WDR7: variants seen among roughly 807,000 people sequenced by gnomAD.
The protein encoded by WDR7 is WD repeat domain 7, also known as WD repeat-containing protein 7.
Under a neutral mutation model 169.4 loss-of-function variants are expected in WDR7, and 46 were observed. That is an observed-to-expected ratio of 0.27 (90% CI 0.21 to 0.35). The LOEUF is 0.35. Ranked by LOEUF, WDR7 falls within the 10% of genes least tolerant of loss-of-function variation. The probability of loss-of-function intolerance (pLI) is 1.00; values close to 1 mark genes in which losing one functional copy is unlikely to be tolerated. For synonymous variants in WDR7, 612 were observed against 666.8 expected (o/e 0.92, Z 1.27); for missense variants, 1,534 against 1,859.3 (o/e 0.83, Z 3.22).
intron 26 of WDR7, among the ~76,000 whole-genome samples, chr18:57,014,539 C>T (rs558251547): frequency 6.6e-6 from 1 of 151,778 alleles, no homozygotes; most frequent in African/African-American, 2.4e-5. Flanking sequence ...TGCCTATAAT[C>T]CCAGCTACTC....
At chr18:56,797,723 G>A (rs2145145608) in intron 19 of WDR7, among the ~76,000 whole-genome samples, 1 of 151,894 alleles carries the variant, frequency 6.6e-6, no homozygotes, top group African/African-American at 2.4e-5. Flanking sequence ...CCATCTTGTG[G>A]ATTTATCAGA....
chr18:56,823,861 T>C (rs1218963081), intron 20 of WDR7, among the ~76,000 whole-genome samples: 1 of 152,206 alleles, frequency 6.6e-6, no homozygotes, highest in Non-Finnish European at 1.5e-5. Context: ...CCTTGCATTT[T>C]TTCTTCTTCA....
chr18:57,018,284 A>G (rs1413820888), intron 26 of WDR7, among the ~76,000 whole-genome samples: 1 of 152,260 alleles, frequency 6.6e-6, no homozygotes, highest in African/African-American at 2.4e-5. Flanking sequence ...TTTTTCTTAG[A>G]AGAACTTTTA....
At chr18:56,729,296 C>A (rs550752630) in intron 13 of WDR7, among the ~76,000 whole-genome samples, 1 of 152,046 alleles carries the variant, frequency 6.6e-6, no homozygotes, top group Non-Finnish European at 1.5e-5. Flanking sequence ...AATCTTTTCC[C>A]ACAATATTTA....
chr18:56,667,334 C>G (rs952408238), intron 1 of WDR7, among the ~76,000 whole-genome samples: 20 of 152,088 alleles, frequency 1.3e-4, no homozygotes, highest in Admixed American at 5.2e-4. Flanking sequence ...CACTTAGCAC[C>G]CAGGCTTTTT....
chr18:56,973,354 G>A (rs1266852326), intron 26 of WDR7, among the ~76,000 whole-genome samples: 1 of 152,146 alleles, frequency 6.6e-6, no homozygotes, highest in Non-Finnish European at 1.5e-5. Context: ...GCATTTGATA[G>A]GCTAAAATTT....
intron 26 of WDR7, among the ~76,000 whole-genome samples, chr18:57,001,883 A>G (rs921706615): frequency 2.0e-5 from 3 of 152,184 alleles, no homozygotes; most frequent in African/African-American, 4.8e-5. Context: ...AAGAACTAAT[A>G]TTAAATTTCT....
chr18:56,954,773 T>C (rs2047229397), intron 25 of WDR7, among the ~76,000 whole-genome samples: 1 of 152,112 alleles, frequency 6.6e-6, no homozygotes, highest in Non-Finnish European at 1.5e-5. Context: ...TGGGGAAACG[T>C]TATAGCTATA....
At chr18:56,826,598 T>G (rs1162439947) in intron 20 of WDR7, among the ~76,000 whole-genome samples, 1 of 152,214 alleles carries the variant, frequency 6.6e-6, no homozygotes, top group Non-Finnish European at 1.5e-5. Flanking sequence ...TAAACCTGAA[T>G]GTATTTTCTC....
intron 2 of WDR7, among the ~76,000 whole-genome samples, chr18:56,675,424 A>G (rs1230208895): frequency 6.6e-6 from 1 of 151,798 alleles, no homozygotes; most frequent in African/African-American, 2.4e-5. Context: ...TAAGGTTTGT[A>G]TTACTTTTGT....
At chr18:56,876,670 A>G (rs533008638) in intron 20 of WDR7, among the ~76,000 whole-genome samples, 1 of 152,296 alleles carries the variant, frequency 6.6e-6, no homozygotes, top group African/African-American at 2.4e-5. Flanking sequence ...ATTGATAAAA[A>G]AGAAGAGGAA....
At chr18:56,661,247 C>A (rs2024898871) in intron 1 of WDR7, among the ~76,000 whole-genome samples, 1 of 151,902 alleles carries the variant, frequency 6.6e-6, no homozygotes, top group Non-Finnish European at 1.5e-5. Context: ...GAAGTTGGTT[C>A]AACCAAATGG....
chr18:57,015,990 C>T (rs926512804), intron 26 of WDR7, among the ~76,000 whole-genome samples: 1 of 152,194 alleles, frequency 6.6e-6, no homozygotes, highest in Non-Finnish European at 1.5e-5. Context: ...TGAAAACAAG[C>T]TTGTCCTGTT....
the WDR7 span, chr18:57,035,921 A>G: frequency 2.0e-5 from 3 of 152,268 alleles, no homozygotes; most frequent in Admixed American, 1.3e-4. Context: ...TCCAGTAAGA[A>G]GTCAAAATCC....
intron 25 of WDR7, among the ~76,000 whole-genome samples, chr18:56,950,658 G>GA (rs1234549395): frequency 6.6e-6 from 1 of 152,148 alleles, no homozygotes; most frequent in Non-Finnish European, 1.5e-5. Flanking sequence ...AGTACCTGGA[G>GA]AGAAGGTAGG....
At chr18:56,957,829 T>C (rs1002903246) in intron 25 of WDR7, among the ~76,000 whole-genome samples, 29 of 152,152 alleles carry the variant, frequency 1.9e-4, no homozygotes, top group African/African-American at 6.8e-4. Flanking sequence ...AGAGTGTTTC[T>C]TGTTGCATTC....
At chr18:56,738,277 A>T (rs1420600555) in intron 14 of WDR7, among the ~76,000 whole-genome samples, 1 of 152,216 alleles carries the variant, frequency 6.6e-6, no homozygotes, top group Non-Finnish European at 1.5e-5. Flanking sequence ...ATATAGAGAT[A>T]TTTAAAACTT....
intron 20 of WDR7, 43 bp from the exon 21 acceptor site, chr18:56,879,901 T>G: frequency 2.0e-6 from 3 of 1,481,264 alleles, no homozygotes; most frequent in Non-Finnish European, 2.8e-6. Context: ...TCTTTTTGTA[T>G]ATTGATTTGT....
chr18:57,022,124 A>G (rs1316947658), intron 27 of WDR7, among the ~76,000 whole-genome samples: 5 of 152,192 alleles, frequency 3.3e-5, no homozygotes, highest in Non-Finnish European at 7.3e-5. Flanking sequence ...TATCCACAGC[A>G]CTGGTGTTTT....
Sources: allele counts gnomAD v4.1 joint callset (sites outside exome capture counted in the v4.1 genomes callset), GRCh38; gene constraint gnomAD v4.1.1; transcripts MANE v1.5; gene names NCBI Gene and HGNC (gene_info 2026-07-23, HGNC 2026-07-21).